EPC1: variants seen among roughly 807,000 people sequenced by gnomAD.
EPC1 encodes the protein enhancer of polycomb 1.
A neutral mutation model predicts 98.4 loss-of-function variants in EPC1; 12 were observed. The ratio of observed to expected loss-of-function variants is 0.12; its 90% CI spans 0.08 to 0.20. EPC1 has a LOEUF of 0.20. EPC1 is among the 10% of genes least tolerant of loss of function. The pLI, the probability that EPC1 is intolerant of heterozygous loss-of-function variation, is 1.00. For synonymous variants in EPC1, 357 were observed against 363.9 expected (o/e 0.98, Z 0.21); for missense variants, 729 against 990.5 (o/e 0.74, Z 3.54).
chr10:32,326,202 T>C (rs1011585061), intron 1 of EPC1, among the ~76,000 whole-genome samples: 1 of 152,184 alleles, frequency 6.6e-6, no homozygotes, highest in African/African-American at 2.4e-5. Flanking sequence ...GTTAAGTCTT[T>C]AGAGTTGTTC....
At chr10:32,365,724 C>T (rs1193477871) in intron 1 of EPC1, among the ~76,000 whole-genome samples, 2 of 140,188 alleles carry the variant, frequency 1.4e-5, no homozygotes, top group Non-Finnish European at 3.0e-5. Flanking sequence ...GGGGCCGAGG[C>T]AGGAGAATCG....
At position 32,279,877 on chromosome 10, in the gene EPC1, T is replaced by C. The variant is rs1331980383; in HGVS notation, c.1744+4821A>G. Among the ~76,000 whole-genome samples the C allele has an allele frequency of 2.0e-5, 3 of 152,122 alleles. No homozygotes were observed. In the East Asian group the frequency reaches 5.8e-4, roughly 29 times the overall value. ...AAGATTATTAAAAATATACAATTTA[T>C]CCTTAAGTACTAAAACCTAGCCCCC... On this transcript the variant is annotated intron_variant, in intron 10 of 13. Coordinates refer to ENST00000319778, the MANE Select transcript of EPC1 (RefSeq NM_001272004.3).
intron 2 of EPC1, among the ~76,000 whole-genome samples, chr10:32,298,584 T>C (rs535692057): frequency 2.0e-4 from 31 of 152,174 alleles, no homozygotes; most frequent in Non-Finnish European, 4.3e-4. Flanking sequence ...TACTATGGGG[T>C]GATAGGTATT....
chr10:32,326,997 C>CAA (rs139000044), intron 1 of EPC1, among the ~76,000 whole-genome samples: 1,844 of 75,390 alleles, frequency 0.024, 69 homozygotes, highest in African/African-American at 0.072. Context: ...AGAGGGTCCT[C>CAA]AAAAAAAAAA....
chr10:32,342,821 A>G (rs1262628311), intron 1 of EPC1, among the ~76,000 whole-genome samples: 1 of 152,212 alleles, frequency 6.6e-6, no homozygotes, highest in Non-Finnish European at 1.5e-5. Flanking sequence ...ACATCATTTT[A>G]AAATCGACTT....
Position 32,292,528 on chromosome 10 carries a change from T to C in EPC1, c.783A>G (p.Leu261=). Residue 261 remains leucine (L), a synonymous_variant, in exon 5 of 14, where the codon CTA becomes CTG. Transcript: ENST00000319778. ...IKRREKSKRE[L]LHLTLEIMEK... ...CCATAATTTCCAGTGTTAAGTGCAATAGCTCTCTTTTACTTTTTTCTCTTC... is the reference window on the plus strand; with the variant it reads ...CCATAATTTCCAGTGTTAAGTGCAACAGCTCTCTTTTACTTTTTTCTCTTC... 2 of 1,598,882 alleles carry C rather than the reference T, an allele frequency of 1.3e-6. No individual in the cohort carries two copies. Among genetic ancestry groups the C allele is most frequent in the Non-Finnish European group, 8.5e-7 (1 of 1,172,854 alleles).
intron 1 of EPC1, among the ~76,000 whole-genome samples, chr10:32,335,760 G>A (rs888102183): frequency 5.3e-5 from 8 of 151,956 alleles, no homozygotes; most frequent in Non-Finnish European, 8.8e-5. Context: ...TGACCTTCTC[G>A]CCCACGCTGA....
At chr10:32,324,522 ACT>A (rs1349293358) in intron 1 of EPC1, among the ~76,000 whole-genome samples, 1 of 149,086 alleles carries the variant, frequency 6.7e-6, no homozygotes, top group Non-Finnish European at 1.5e-5. Context: ...AGAGTGAGAC[ACT>A]CTGTCTCAAA....
intron 1 of EPC1, among the ~76,000 whole-genome samples, chr10:32,374,055 C>T (rs1839821615): frequency 6.6e-6 from 1 of 152,158 alleles, no homozygotes; most frequent in African/African-American, 2.4e-5. Context: ...ATAGTTCCTT[C>T]TCCTCCAATT....
chr10:32,318,471 C>T (rs1456539922), intron 1 of EPC1, among the ~76,000 whole-genome samples: 1 of 152,174 alleles, frequency 6.6e-6, no homozygotes, highest in East Asian at 1.9e-4. Context: ...GCTTCAACTA[C>T]CATTTGGATG....
intron 10 of EPC1, among the ~76,000 whole-genome samples, chr10:32,279,236 C>G (rs1836268527): frequency 6.6e-6 from 1 of 151,904 alleles, no homozygotes; most frequent in South Asian, 2.1e-4. Flanking sequence ...GTAGTCCCAG[C>G]TACTCGGGAG....
At chr10:32,293,973 C>T (rs74128030) in intron 2 of EPC1, among the ~76,000 whole-genome samples, 3,047 of 152,016 alleles carry the variant, frequency 0.02, 108 homozygotes, top group African/African-American at 0.07. Flanking sequence ...ACAATGGATG[C>T]GACACCCTCC....
intron 10 of EPC1, chr10:32,282,239 G>C (rs1447493122): frequency 6.6e-6 from 1 of 152,128 alleles, no homozygotes; most frequent in Non-Finnish European, 1.5e-5. Flanking sequence ...TTTTTAAAAA[G>C]TAGTATTGAG....
At chr10:32,366,047 C>A (rs997786894) in intron 1 of EPC1, among the ~76,000 whole-genome samples, 1 of 151,910 alleles carries the variant, frequency 6.6e-6, no homozygotes, top group African/African-American at 2.4e-5. Flanking sequence ...GCAGGAGAAT[C>A]GCTTGAACCC....
intron 10 of EPC1, among the ~76,000 whole-genome samples, chr10:32,276,855 T>C (rs1011661970): frequency 2.0e-5 from 3 of 152,208 alleles, no homozygotes; most frequent in Non-Finnish European, 2.9e-5. Context: ...TACCTCCTGA[T>C]ATGGTATGAG....
intron 1 of EPC1, chr10:32,376,987 C>T (rs1839884050): frequency 6.6e-6 from 1 of 152,128 alleles, no homozygotes. Context: ...AAACCTATGT[C>T]AGATCGTAAC....
intron 1 of EPC1, among the ~76,000 whole-genome samples, chr10:32,369,189 T>G (rs959667344): frequency 6.6e-6 from 1 of 152,214 alleles, no homozygotes; most frequent in Non-Finnish European, 1.5e-5. Context: ...AAGAGTTGAT[T>G]GTTCTACGAG....
intron 2 of EPC1, among the ~76,000 whole-genome samples, chr10:32,299,552 T>TCATCAC (rs760677156): frequency 6.6e-6 from 1 of 151,170 alleles, no homozygotes; most frequent in African/African-American, 2.4e-5. Flanking sequence ...ATCATCATCA[T>TCATCAC]CATCATCATC....
intron 6 of EPC1, 133 bp from the exon 7 acceptor site, chr10:32,287,407 T>C (rs931119326): frequency 1.2e-6 from 1 of 858,162 alleles, no homozygotes; most frequent in Middle Eastern, 2.4e-4. Flanking sequence ...CAACACTCTA[T>C]GTTTGGCCAT....
Sources: allele counts gnomAD v4.1 joint callset (sites outside exome capture counted in the v4.1 genomes callset), GRCh38; gene constraint gnomAD v4.1.1; transcripts MANE v1.5; gene names NCBI Gene and HGNC (gene_info 2026-07-23, HGNC 2026-07-21).